Variants in CEP97 observed in about 807,000 individuals in gnomAD.
CEP97 encodes the protein centrosomal protein 97, also known as centrosomal protein of 97 kDa.
In CEP97, 43 loss-of-function variants were observed where a neutral mutation model predicts 73.1. That is an observed-to-expected ratio of 0.59 (90% CI 0.46 to 0.76). The LOEUF is 0.76. Ranked by LOEUF, CEP97 falls within the 30% of genes least tolerant of loss-of-function variation. The pLI, the probability that CEP97 is intolerant of heterozygous loss-of-function variation, is 0.00. For missense variants in CEP97, 939 were observed against 1,014.0 expected (o/e 0.93, Z 1.00); for synonymous variants, 337 against 370.0 (o/e 0.91, Z 1.02).
intron 6 of CEP97, among the ~76,000 whole-genome samples, chr3:101,749,953 C>G (rs1185274771): frequency 3.0e-4 from 45 of 151,240 alleles, no homozygotes; most frequent in African/African-American, 6.6e-4. Context: ...GTTGCCTGTT[C>G]ACTGTGATGG....
intron 6 of CEP97, among the ~76,000 whole-genome samples, chr3:101,750,837 A>G (rs936655182): frequency 8.6e-5 from 13 of 152,010 alleles, no homozygotes; most frequent in African/African-American, 2.9e-4. Flanking sequence ...TGGTCTATCA[A>G]TTTTGTTGAT....
At chr3:101,760,687 A>G (rs1364996344) in intron 9 of CEP97, among the ~76,000 whole-genome samples, 1 of 151,982 alleles carries the variant, frequency 6.6e-6, no homozygotes, top group Non-Finnish European at 1.5e-5. Flanking sequence ...GACTATAGGC[A>G]TGCACCACCA....
chr3:101,761,618 CAG>C (rs1220710968), intron 9 of CEP97, among the ~76,000 whole-genome samples: 1 of 152,050 alleles, frequency 6.6e-6, no homozygotes, highest in Non-Finnish European at 1.5e-5. Context: ...TGATGTGTGA[CAG>C]GGAAAAATAG....
chr3:101,749,732 T>G (rs1421310735), intron 6 of CEP97, among the ~76,000 whole-genome samples: 2 of 147,690 alleles, frequency 1.4e-5, no homozygotes, highest in African/African-American at 5.0e-5. Flanking sequence ...GATTTGCATT[T>G]CTCTGATGGC....
intron 4 of CEP97, among the ~76,000 whole-genome samples, chr3:101,730,636 T>A (rs1055289327): frequency 6.6e-6 from 1 of 152,008 alleles, no homozygotes; most frequent in South Asian, 2.1e-4. Flanking sequence ...ATTAGCTAAT[T>A]GTCAAAATTA....
At chr3:101,738,646 GAC>G (rs1288699638) in intron 6 of CEP97, among the ~76,000 whole-genome samples, 1 of 152,110 alleles carries the variant, frequency 6.6e-6, no homozygotes, top group Non-Finnish European at 1.5e-5. Flanking sequence ...TGAGAACAAA[GAC>G]ACAACATCCC....
intron 6 of CEP97, among the ~76,000 whole-genome samples, chr3:101,740,350 T>A (rs1938410947): frequency 6.6e-6 from 1 of 152,052 alleles, no homozygotes; most frequent in Admixed American, 6.6e-5. Flanking sequence ...TAATCATGAG[T>A]GAACTTCCAT....
At position 101,726,630 on chromosome 3, in the gene CEP97, A is replaced by C; in HGVS notation, c.80A>C (p.Lys27Thr). Residue 27 changes from lysine (K) to threonine (T), a missense_variant, in exon 2 of 11, where the codon AAA becomes ACA. Transcript: ENST00000341893. ...VVNWSGQGLQ[K>T]LGPNLPCEAD... Reference sequence around the variant, plus strand: ...AATTGGTCAGGACAGGGACTACAGAAATTAGGTCCAAATTTACCCTGTGAA... The same window carrying C: ...AATTGGTCAGGACAGGGACTACAGACATTAGGTCCAAATTTACCCTGTGAA... 1 of 1,611,504 alleles carries C rather than the reference A, an allele frequency of 6.2e-7. No homozygotes were observed. The highest frequency in any genetic ancestry group is 8.5e-7 in the Non-Finnish European group (1 of 1,178,472).
At chr3:101,730,063 C>G (rs1012552315) in intron 4 of CEP97, among the ~76,000 whole-genome samples, 2 of 152,046 alleles carry the variant, frequency 1.3e-5, no homozygotes, top group East Asian at 3.9e-4. Flanking sequence ...GCCTTGGCCT[C>G]GCAAAGTGTT....
intron 9 of CEP97, among the ~76,000 whole-genome samples, chr3:101,761,455 A>G (rs1290891201): frequency 2.6e-5 from 4 of 152,176 alleles, no homozygotes; most frequent in Non-Finnish European, 5.9e-5. Flanking sequence ...GGGCAAAGAG[A>G]AAGCCTGGTG....
intron 9 of CEP97, among the ~76,000 whole-genome samples, chr3:101,760,726 A>G (rs182619953): frequency 6.6e-6 from 1 of 151,988 alleles, no homozygotes; most frequent in Non-Finnish European, 1.5e-5. Flanking sequence ...AAATTTTTTT[A>G]AAGAGATGAA....
rs932648347 is a variant in CEP97, at chr3:101,764,781, T to C, written c.1894-66T>C. 17 of 1,435,368 alleles carry C rather than the reference T, an allele frequency of 1.2e-5. No homozygotes were observed. The African/African-American group carries it at 2.3e-4, about 19-fold the overall frequency. 88.9% of individuals were successfully genotyped at this position (1,435,368 alleles called of 1,614,324 possible). On this transcript the variant is annotated intron_variant, in intron 10 of 10. Coordinates refer to ENST00000341893, the MANE Select transcript of CEP97 (RefSeq NM_024548.4). ...CTGGGTGACAGAGCGAGACCCTGTC[T>C]CAAAAACAAACAAACAAAAACAACA...
intron 6 of CEP97, among the ~76,000 whole-genome samples, chr3:101,744,670 T>A (rs1938561907): frequency 6.6e-6 from 1 of 151,860 alleles, no homozygotes; most frequent in East Asian, 1.9e-4. Context: ...GATGTTGCAG[T>A]TGTAGTCTGT....
chr3:101,762,699 CTG>C lies in CEP97; in HGVS notation c.1893+142_1893+143del, dbSNP rs1576702377. On this transcript the variant is annotated intron_variant, in intron 10 of 10. Transcript: ENST00000341893. ...TATGGCTTGTGTTCTTCGCCACTAACTGTGAACTAGGACAGTGAATTTTCTTG... is the reference window on the plus strand; with the variant it reads ...TATGGCTTGTGTTCTTCGCCACTAACTGAACTAGGACAGTGAATTTTCTTG... 1.3e-5 allele frequency: 7 copies of C among 557,878 alleles called. No individual in the cohort carries two copies. The South Asian group carries it at 1.6e-4, about 13-fold the overall frequency. 34.6% of individuals were successfully genotyped at this position (557,878 alleles called of 1,614,324 possible).
intron 9 of CEP97, 109 bp from the exon 10 acceptor site, chr3:101,762,376 A>G (rs1432522691): frequency 3.9e-6 from 2 of 511,030 alleles, no homozygotes; most frequent in Non-Finnish European, 3.5e-6. Context: ...GGGAAAGACA[A>G]CTATTAGATT....
chr3:101,764,333 C>T (rs928287370), intron 10 of CEP97, among the ~76,000 whole-genome samples: 7 of 151,982 alleles, frequency 4.6e-5, no homozygotes, highest in African/African-American at 9.7e-5. Flanking sequence ...GCCAGATGGA[C>T]GGACACGGTG....
chr3:101,731,014 T>G (rs1938092136), intron 4 of CEP97, among the ~76,000 whole-genome samples: 1 of 151,506 alleles, frequency 6.6e-6, no homozygotes, highest in African/African-American at 2.4e-5. Flanking sequence ...ATCCTGGGTG[T>G]TCAGTTTTGG....
intron 6 of CEP97, among the ~76,000 whole-genome samples, chr3:101,741,755 A>G (rs1938462345): frequency 6.6e-6 from 1 of 152,176 alleles, no homozygotes; most frequent in Admixed American, 6.5e-5. Context: ...AAAAGTCAGG[A>G]AACAGGCTGG....
At chr3:101,726,555 TTTTA>T in intron 1 of CEP97, 35 bp from the exon 2 acceptor site, 2 of 1,526,736 alleles carry the variant, frequency 1.3e-6, no homozygotes, top group Non-Finnish European at 1.8e-6. Context: ...ACATGTTTTA[TTTTA>T]TTTGTGTTTT....
Sources: allele counts gnomAD v4.1 joint callset (sites outside exome capture counted in the v4.1 genomes callset), GRCh38; gene constraint gnomAD v4.1.1; transcripts MANE v1.5; gene names NCBI Gene and HGNC (gene_info 2026-07-23, HGNC 2026-07-21).